MATR3: variants seen among roughly 807,000 people sequenced by gnomAD.
MATR3 encodes matrin 3, also known as matrin-3.
MATR3 carries 4 observed loss-of-function variants against 85.5 expected under a neutral mutation model. That is an observed-to-expected ratio of 0.05 (90% confidence interval 0.02 to 0.11). The LOEUF is 0.11. MATR3 is among the 10% of genes least tolerant of loss of function. The pLI is 1.00. For missense variants in MATR3, 685 were observed against 1,016.1 expected (o/e 0.67, Z 4.43); for synonymous variants, 336 against 343.1 (o/e 0.98, Z 0.23).
At chr5:139,308,628 CTGCTT>C (rs1262285451) in intron 2 of MATR3, among the ~76,000 whole-genome samples, 1 of 151,886 alleles carries the variant, frequency 6.6e-6, no homozygotes, top group East Asian at 1.9e-4. Flanking sequence ...TTTTTTTTGT[CTGCTT>C]TGTTGAATTG....
At chr5:139,295,333 C>T (rs1754088654) in intron 1 of MATR3, among the ~76,000 whole-genome samples, 1 of 152,070 alleles carries the variant, frequency 6.6e-6, no homozygotes, top group Non-Finnish European at 1.5e-5. Context: ...CGAAATTAAA[C>T]AACATTAAAA....
At chr5:139,296,445 T>A (rs1754156995) in intron 1 of MATR3, among the ~76,000 whole-genome samples, 1 of 152,218 alleles carries the variant, frequency 6.6e-6, no homozygotes, top group Admixed American at 6.5e-5. Flanking sequence ...GTTTACTCCC[T>A]GATGTTTTTC....
chr5:139,305,283 A>G (rs574958761), intron 1 of MATR3, among the ~76,000 whole-genome samples: 2 of 152,284 alleles, frequency 1.3e-5, no homozygotes, highest in Admixed American at 6.5e-5. Context: ...CTGTTTTCCT[A>G]TGAGCTACCA....
chr5:139,324,382 C>T (rs1034437768), intron 12 of MATR3, among the ~76,000 whole-genome samples: 4 of 151,404 alleles, frequency 2.6e-5, no homozygotes, highest in Admixed American at 6.6e-5. Flanking sequence ...CAACCTCCAC[C>T]TCCCAGGTTC....
At chr5:139,326,715 G>A (rs1039549411) in intron 14 of MATR3, among the ~76,000 whole-genome samples, 13 of 152,102 alleles carry the variant, frequency 8.5e-5, no homozygotes, top group African/African-American at 3.1e-4. Context: ...ATGAGCCACC[G>A]CGCCTGGCCT....
intron 2 of MATR3, among the ~76,000 whole-genome samples, chr5:139,276,546 G>A (rs1235476476): frequency 6.6e-6 from 1 of 152,210 alleles, no homozygotes; most frequent in Non-Finnish European, 1.5e-5. Context: ...TAATCTGTGA[G>A]AGCATGACTT....
At position 139,329,486 on chromosome 5, in the gene MATR3, A is replaced by C. The variant is rs1305090542; in HGVS notation, c.*91A>C. On this transcript the variant is annotated 3_prime_UTR_variant, in exon 15 of 15. Coordinates refer to ENST00000394805, the MANE Select transcript of MATR3 (RefSeq NM_018834.6). Reference sequence around the variant, plus strand: ...TTTAAATACAATACTGATAGTTAGAAGAAAACTATTGTACTCTTTTGTTTT... The same window carrying C: ...TTTAAATACAATACTGATAGTTAGACGAAAACTATTGTACTCTTTTGTTTT... 2 of 1,050,380 alleles carry C rather than the reference A, an allele frequency of 1.9e-6. No individual in the cohort carries two copies. Among genetic ancestry groups the C allele is most frequent in the African/African-American group, 1.6e-5 (1 of 63,628 alleles). The allele number at this position is 1,050,380 out of a possible 1,614,324, so 65.1% of individuals were successfully genotyped here. A position where few individuals can be genotyped will look rare whatever the true frequency, so the allele number is the denominator to read the frequency against.
intron 1 of MATR3, among the ~76,000 whole-genome samples, chr5:139,306,744 T>C (rs183100973): frequency 1.3e-5 from 2 of 152,352 alleles, no homozygotes; most frequent in Admixed American, 1.3e-4. Flanking sequence ...CATTAGGTAC[T>C]TGAAACCTAA....
chr5:139,325,325 T>G (rs1755794629), intron 12 of MATR3, 115 bp from the exon 13 acceptor site: 1 of 1,570,948 alleles, frequency 6.4e-7, no homozygotes, highest in Non-Finnish European at 8.6e-7. Flanking sequence ...TGGAAGGTTT[T>G]GTCACTCTAG....
chr5:139,288,003 G>GGCAACAT (rs1753758027), intron 3 of MATR3, among the ~76,000 whole-genome samples: 1 of 152,124 alleles, frequency 6.6e-6, no homozygotes, highest in South Asian at 2.1e-4. Flanking sequence ...ATAAGCCCAG[G>GGCAACAT]AGTTCGACAC....
At chr5:139,317,270 A>G (rs1561939004) in intron 6 of MATR3, among the ~76,000 whole-genome samples, 165 bp downstream of exon 6, 2 of 152,238 alleles carry the variant, frequency 1.3e-5, no homozygotes, top group Non-Finnish European at 2.9e-5. Flanking sequence ...AAAACTTTAA[A>G]TTTTGTATGC....
chr5:139,294,048 A>G (rs145697596), intron 1 of MATR3: 37 of 1,272,682 alleles, frequency 2.9e-5, no homozygotes, highest in Non-Finnish European at 3.6e-5. Context: ...CCGGGAGGGA[A>G]ACACGCGGCC....
At chr5:139,319,137 C>T (rs1755409451) in intron 8 of MATR3, 104 bp downstream of exon 8, 11 of 1,373,604 alleles carry the variant, frequency 8.0e-6, no homozygotes, top group Non-Finnish European at 1.1e-5. Flanking sequence ...TGTGGTGGCT[C>T]ACGCCTGTAA....
At position 139,307,522 on chromosome 5, in the gene MATR3, T is replaced by C. The variant is rs866646054; in HGVS notation, c.107T>C (p.Leu36Ser). 6.2e-7 allele frequency: 1 copy of C among 1,614,154 alleles called. No individual in the cohort carries two copies. ...IGLLAAATQS[L>S]SMPASLGRMN... Reference sequence around the variant, plus strand: ...CTTCTTGCTGCTGCTACCCAGTCTTTAAGTATGCCAGCATCTCTTGGAAGG... The same window carrying C: ...CTTCTTGCTGCTGCTACCCAGTCTTCAAGTATGCCAGCATCTCTTGGAAGG... Residue 36 changes from leucine (L) to serine (S), a missense_variant, in exon 2 of 15, where the codon TTA becomes TCA. Leu to Ser is a moderately radical substitution (Grantham distance 145). Around this residue, in one of 9 missense-constraint regions of MATR3, gnomAD observed 30 missense variants for 69.5 expected, o/e 0.43. Transcript: ENST00000394805. This position sits in a 1 kb window ranked among gnomAD's most constrained non-coding sequence, Gnocchi z 4.4.
At chr5:139,285,517 G>C (rs1753674582) in intron 3 of MATR3, among the ~76,000 whole-genome samples, 1 of 152,060 alleles carries the variant, frequency 6.6e-6, no homozygotes, top group East Asian at 1.9e-4. Context: ...TTTTATTTGA[G>C]ACAGAATCTC....
At position 139,330,587 on chromosome 5, in the gene MATR3, C is replaced by A. The variant is rs1390618796; in HGVS notation, c.*1192C>A. 1 of 454,040 alleles carries A rather than the reference C, an allele frequency of 2.2e-6. No homozygotes were observed. The highest frequency in any genetic ancestry group is 4.4e-6 in the Non-Finnish European group (1 of 226,764). The allele number at this position is 454,040 out of a possible 1,614,324, so 28.1% of individuals were successfully genotyped here. A position where few individuals can be genotyped will look rare whatever the true frequency, so the allele number is the denominator to read the frequency against. ...GTTGTTGCTGGTGGATTTCTTGTTCCTGTTACATAACTAAAAGTGAGGCCA... is the reference window on the plus strand; with the variant it reads ...GTTGTTGCTGGTGGATTTCTTGTTCATGTTACATAACTAAAAGTGAGGCCA... On this transcript the variant is annotated 3_prime_UTR_variant, in exon 15 of 15. Transcript: ENST00000394805.
rs1442428666 is a variant in MATR3 at position 139,330,237 on chromosome 5, A to G, written c.*842A>G. The stretch of plus-strand genomic sequence containing the variant: ...TCTGCATTTTTAAAACAGTTTGGCC[A>G]TAATCCTAGATGCACGCTTCTAATT... On this transcript the variant is annotated 3_prime_UTR_variant, in exon 15 of 15. Coordinates refer to ENST00000394805, the MANE Select transcript of MATR3 (RefSeq NM_018834.6). 1 of 454,184 alleles carries G rather than the reference A, an allele frequency of 2.2e-6. No individual in the cohort carries two copies. The highest frequency in any genetic ancestry group is 4.4e-6 in the Non-Finnish European group (1 of 226,526). 28.1% of individuals were successfully genotyped at this position (454,184 alleles called of 1,614,324 possible). A position where few individuals can be genotyped will look rare whatever the true frequency, so the allele number is the denominator to read the frequency against.
At chr5:139,305,658 G>A (rs1484784226) in intron 1 of MATR3, among the ~76,000 whole-genome samples, 2 of 152,034 alleles carry the variant, frequency 1.3e-5, no homozygotes, top group Non-Finnish European at 2.9e-5. Flanking sequence ...ACTTATTCTC[G>A]TCTTTATTAA....
chr5:139,314,989 A>AT, intron 3 of MATR3: 2 of 424,868 alleles, frequency 4.7e-6, no homozygotes, highest in East Asian at 4.9e-5. Flanking sequence ...CAAATTGGTG[A>AT]TTTTTACTAG....
Sources: gnomAD v4.1 joint callset for allele counts (sites outside exome capture counted in the v4.1 genomes callset) on GRCh38, gnomAD v4.1.1 for gene constraint, gnomAD v4.1.1 regional missense constraint, Gnocchi (gnomAD v3.1) non-coding constraint, MANE v1.5 for transcripts, NCBI Gene and HGNC (gene_info 2026-07-23, HGNC 2026-07-21) for gene names.